The following VPS29 variants were observed in gnomAD, a reference collection of about 807,000 sequenced individuals.
The protein encoded by VPS29 is vacuolar protein sorting-associated protein 29.
In VPS29, 2 loss-of-function variants were observed where a neutral mutation model predicts 20.0. That is an observed-to-expected ratio of 0.10 (90% CI 0.04 to 0.31). VPS29 has a LOEUF of 0.31. VPS29 is among the 10% of genes least tolerant of loss of function. VPS29 has a pLI of 1.00. For missense variants in VPS29, 120 were observed against 215.3 expected (o/e 0.56, Z 2.77); for synonymous variants, 81 against 79.3 (o/e 1.02, Z -0.12).
chr12:110,499,889 A>G lies in VPS29; in HGVS notation c.3+2160T>C, dbSNP rs551125678. ...TGTTTTCCATTCTGTTTAGATTTTT[A>G]TAAGATTTTATAAAATAATGAATTT... On this transcript the variant is annotated intron_variant, in intron 1 of 3. Coordinates refer to ENST00000549578, the MANE Select transcript of VPS29 (RefSeq NM_016226.5). Among the ~76,000 whole-genome samples the G allele has an allele frequency of 3.3e-5, 5 of 152,278 alleles. No homozygotes were observed. In the East Asian group the frequency reaches 7.7e-4, roughly 23 times the overall value.
At chr12:110,497,628 C>T (rs914579545) in intron 1 of VPS29, among the ~76,000 whole-genome samples, 2 of 151,998 alleles carry the variant, frequency 1.3e-5, no homozygotes, top group Non-Finnish European at 2.9e-5. Context: ...CGGTGGCTCA[C>T]ACCTGTAATC....
At chr12:110,492,961 A>C (rs771646901) in intron 3 of VPS29, 35 bp downstream of exon 3, 20 of 1,550,252 alleles carry the variant, frequency 1.3e-5, no homozygotes, top group Non-Finnish European at 1.8e-5. Context: ...TTATTTTACT[A>C]AAGCCCCCAA....
chr12:110,491,882 G>C lies in VPS29; in HGVS notation c.*123C>G. ...GCAATTATGTATTAACAGAGAAGAT[G>C]GTATTATATTTTACTGCAAAATATT... On this transcript the variant is annotated 3_prime_UTR_variant, in exon 4 of 4. Transcript: ENST00000549578. 1.4e-6 allele frequency: 1 copy of C among 692,946 alleles called. No individual in the cohort carries two copies. Among genetic ancestry groups the C allele is most frequent in the East Asian group, 2.7e-5 (1 of 37,558 alleles). 42.9% of individuals were successfully genotyped at this position (692,946 alleles called of 1,614,324 possible). A position where few individuals can be genotyped will look rare whatever the true frequency, so the allele number is the denominator to read the frequency against.
intron 1 of VPS29, 158 bp from the exon 2 acceptor site, chr12:110,496,361 G>C: frequency 1.6e-6 from 1 of 608,164 alleles, no homozygotes; most frequent in Non-Finnish European, 2.6e-6. Context: ...AATCTCAGAA[G>C]CTGAATCTGT....
intron 2 of VPS29, 133 bp from the exon 3 acceptor site, chr12:110,493,364 T>A (rs79443544): frequency 2.6e-6 from 1 of 390,798 alleles, no homozygotes; most frequent in Non-Finnish European, 3.8e-6. Context: ...ATTTATACAT[T>A]TTTTTTTTTT....
At chr12:110,495,508 C>T (rs545272799) in intron 2 of VPS29, among the ~76,000 whole-genome samples, 4 of 152,040 alleles carry the variant, frequency 2.6e-5, no homozygotes, top group East Asian at 1.9e-4. Context: ...GTCACGAGTT[C>T]GAGACCAGCC....
chr12:110,491,918 T>C lies in VPS29; in HGVS notation c.*87A>G. 3 of 905,928 alleles carry C rather than the reference T, an allele frequency of 3.3e-6. No individual in the cohort carries two copies. The highest frequency in any genetic ancestry group is 1.4e-5 in the South Asian group (1 of 71,046). The allele number at this position is 905,928 out of a possible 1,614,324, so 56.1% of individuals were successfully genotyped here. On this transcript the variant is annotated 3_prime_UTR_variant, in exon 4 of 4. Transcript: ENST00000549578. ...TTACTGCAAAATATTATAAAAGTGA[T>C]ACAATTTTGTGGCTCTTAAATGTTT...
At chr12:110,492,963 A>T in intron 3 of VPS29, 33 bp downstream of exon 3, 1 of 1,557,286 alleles carries the variant, frequency 6.4e-7, no homozygotes, top group South Asian at 1.2e-5. Context: ...ATTTTACTAA[A>T]GCCCCCAAAT....
At position 110,493,237 on chromosome 12, in the gene VPS29, A is replaced by G. The variant is rs752740706; in HGVS notation, c.196-6T>C. On this transcript the variant is annotated splice_polypyrimidine_tract_variant and splice_region_variant and intron_variant, in intron 2 of 3. Transcript: ENST00000549578. ...TGTTCTGGATAATTCAGATTCTAAC[A>G]TAAGAAAAAGACGTAAGAAAATATG... The G allele has an allele frequency of 4.0e-6, 6 of 1,483,972 alleles. No individual in the cohort carries two copies. Among genetic ancestry groups the G allele is most frequent in the Admixed American group, 2.5e-5 (1 of 39,464 alleles). 91.9% of individuals were successfully genotyped at this position (1,483,972 alleles called of 1,614,324 possible).
intron 1 of VPS29, chr12:110,501,760 GGCGT>G: frequency 9.2e-7 from 1 of 1,088,506 alleles, no homozygotes; most frequent in Non-Finnish European, 1.4e-6. Context: ...CCCTGGCTCG[GGCGT>G]GCGTGTCTCG....
At chr12:110,499,625 G>T (rs1434531120) in intron 1 of VPS29, 1 of 1,030,370 alleles carries the variant, frequency 9.7e-7, no homozygotes, top group Non-Finnish European at 1.4e-6. Flanking sequence ...TTAAAAGAAA[G>T]CAACAAAAAG....
At chr12:110,497,207 CTTTTTTTTTTTTTT>C (rs71083128) in intron 1 of VPS29, among the ~76,000 whole-genome samples, 3 of 77,214 alleles carry the variant, frequency 3.9e-5, no homozygotes, top group African/African-American at 1.6e-4. Flanking sequence ...AAATTTCTTT[CTTTTTTTTTTTTTT>C]TTTTTTTTTT....
intron 2 of VPS29, 39 bp from the exon 3 acceptor site, chr12:110,493,270 G>A (rs757750157): frequency 4.4e-6 from 6 of 1,367,694 alleles, no homozygotes; most frequent in Non-Finnish European, 5.8e-6. Flanking sequence ...ATGTATTTTA[G>A]AGATACTGAT....
intron 2 of VPS29, 113 bp downstream of exon 2, chr12:110,495,899 A>G: frequency 4.1e-6 from 4 of 987,164 alleles, no homozygotes; most frequent in Non-Finnish European, 4.2e-6. Context: ...GAAAAGAAAA[A>G]GGGAAAAAAA....
Position 110,492,990 on chromosome 12 carries a change from A to C in VPS29, c.431+6T>G. 2 of 1,606,348 alleles carry C rather than the reference A, an allele frequency of 1.2e-6. No individual in the cohort carries two copies. Among genetic ancestry groups the C allele is most frequent in the Non-Finnish European group, 1.7e-6 (2 of 1,176,558 alleles). ...CCCCCAAATTCCCAAATTCTATACT[A>C]CTCACGTTTCCAAGGCATTATATGC... is the stretch of plus-strand genomic sequence containing the variant. On this transcript the variant is annotated splice_donor_region_variant and intron_variant, in intron 3 of 3. Transcript: ENST00000549578.
chr12:110,493,015 C>A lies in VPS29; in HGVS notation c.412G>T (p.Ala138Ser). The change falls in exon 3 of 4, where the codon GCA becomes TCA. Residue 138 changes from alanine (A) to serine (S), a missense_variant. Ala to Ser is a moderately conservative substitution (Grantham distance 99, BLOSUM62 1). Transcript: ENST00000549578. ...FYINPGSATG[A>S]YNALETNIIP... ...ACTCACGTTTCCAAGGCATTATATG[C>A]CCCAGTGGCAGAACCTGGATTAATG... The A allele has an allele frequency of 6.2e-7, 1 of 1,612,668 alleles. No homozygotes were observed. Among genetic ancestry groups the A allele is most frequent in the Non-Finnish European group, 8.5e-7 (1 of 1,179,418 alleles).
At chr12:110,492,143 T>C (rs1403030554) in intron 3 of VPS29, 21 bp from the exon 4 acceptor site, 3 of 1,557,676 alleles carry the variant, frequency 1.9e-6, no homozygotes, top group Non-Finnish European at 2.6e-6. Context: ...AAATAAATAA[T>C]GTCAGTGTTT....
rs373695929 is a variant in VPS29, at chr12:110,502,088, G to T, written c.-37C>A. On this transcript the variant is annotated 5_prime_UTR_variant, in exon 1 of 4. Coordinates refer to ENST00000549578, the MANE Select transcript of VPS29 (RefSeq NM_016226.5). Reference sequence around the variant, plus strand: ...GCTCCGCTCAGTCACCACCACCGTCGCCGCCCTCTTCCTCAGGCTCCTCGG... The same window carrying T: ...GCTCCGCTCAGTCACCACCACCGTCTCCGCCCTCTTCCTCAGGCTCCTCGG... 7.5e-6 allele frequency: 12 copies of T among 1,602,350 alleles called. No homozygotes were observed. Among genetic ancestry groups the T allele is most frequent in the Non-Finnish European group, 9.4e-6 (11 of 1,173,256 alleles).
chr12:110,501,290 T>A, intron 1 of VPS29: 1 of 1,255,320 alleles, frequency 8.0e-7, no homozygotes, highest in Non-Finnish European at 1.1e-6. Flanking sequence ...GAAGGGGTGA[T>A]TGCTTGAAGG....
Sources: allele counts gnomAD v4.1 joint callset (sites outside exome capture counted in the v4.1 genomes callset), GRCh38; gene constraint gnomAD v4.1.1; transcripts MANE v1.5; gene names NCBI Gene and HGNC (gene_info 2026-07-23, HGNC 2026-07-21).